The following DBT variants were observed in gnomAD, a reference collection of about 807,000 sequenced individuals.
The protein encoded by DBT is dihydrolipoamide branched chain transacylase E2.
DBT carries 40 observed loss-of-function variants against 51.3 expected under a neutral mutation model. That is an observed-to-expected ratio of 0.78 (90% confidence interval 0.61 to 1.02). DBT has a LOEUF of 1.02. Among genes scored for constraint, DBT ranks in the 50% least tolerant of loss-of-function variants. The pLI is 0.00. For synonymous variants in DBT, 181 were observed against 190.4 expected (o/e 0.95, Z 0.41); for missense variants, 510 against 580.2 (o/e 0.88, Z 1.24).
chr1:100,216,300 C>T, intron 5 of DBT, 101 bp from the exon 6 acceptor site: 1 of 803,882 alleles, frequency 1.2e-6, no homozygotes, highest in Non-Finnish European at 2.1e-6. Context: ...ATATATCTGT[C>T]CAATAAATTA....
At chr1:100,226,031 A>G (rs1466086353) in intron 4 of DBT, among the ~76,000 whole-genome samples, 1 of 151,954 alleles carries the variant, frequency 6.6e-6, no homozygotes, top group Non-Finnish European at 1.5e-5. Flanking sequence ...ACAAACTCCA[A>G]TTGTTTACTT....
intron 1 of DBT, among the ~76,000 whole-genome samples, chr1:100,241,369 TGTG>T (rs1664198499): frequency 1.7e-4 from 1 of 5,820 alleles, no homozygotes; most frequent in Non-Finnish European, 7.6e-4. Flanking sequence ...AAAGGTATTG[TGTG>T]TGTGTGTGTG....
chr1:100,210,123 C>A (rs1662043670), intron 8 of DBT, among the ~76,000 whole-genome samples: 2 of 151,578 alleles, frequency 1.3e-5, no homozygotes, highest in South Asian at 4.2e-4. Flanking sequence ...CCAGCCTGGG[C>A]AACATAATGA....
chr1:100,217,937 A>G (rs1662594303), intron 5 of DBT, among the ~76,000 whole-genome samples: 1 of 52,532 alleles, frequency 1.9e-5, no homozygotes, highest in Admixed American at 2.9e-4. Flanking sequence ...TAGCTGTGTG[A>G]CTTTAGACTA....
In DBT at chr1:100,215,964, T is replaced by G; in HGVS notation, c.772+19A>C. 7.3e-7 allele frequency: 1 copy of G among 1,372,168 alleles called. No homozygotes were observed. Among genetic ancestry groups the G allele is most frequent in the Non-Finnish European group, 1.0e-6 (1 of 959,238 alleles). The allele number at this position is 1,372,168 out of a possible 1,614,324, so 85.0% of individuals were successfully genotyped here. ...ATAAATGAACTATTGCCTTATAGTATTGTTATTATTATCATTACCTTTTAT... is the reference window on the plus strand; with the variant it reads ...ATAAATGAACTATTGCCTTATAGTAGTGTTATTATTATCATTACCTTTTAT... On this transcript the variant is annotated intron_variant, in intron 6 of 10. Coordinates refer to ENST00000370132, the MANE Select transcript of DBT (RefSeq NM_001918.5).
intron 2 of DBT, among the ~76,000 whole-genome samples, chr1:100,236,574 G>A (rs1163642695): frequency 6.6e-6 from 1 of 152,116 alleles, no homozygotes; most frequent in African/African-American, 2.4e-5. Context: ...CTAGCAAGTT[G>A]GGTCCTCTCA....
rs752504160 is a variant in DBT, at chr1:100,216,131, A to G, written c.624T>C (p.Tyr208=). Residue 208 remains tyrosine (Y), a synonymous_variant, in exon 6 of 11, where the codon TAT becomes TAC. Coordinates refer to ENST00000370132, the MANE Select transcript of DBT (RefSeq NM_001918.5). ...GRILKEDILN[Y]LEKQTGAILP... is the part of the protein sequence containing the mutation. ...ATATAGCTCCTGTCTGCTTTTCCAA[A>G]TAGTTGAGGATATCTTCTTTAAGTA... 2 of 1,614,028 alleles carry G rather than the reference A, an allele frequency of 1.2e-6. No homozygotes were observed. Among genetic ancestry groups the G allele is most frequent in the African/African-American group, 2.7e-5 (2 of 75,040 alleles).
chr1:100,195,652 T>A lies in DBT; in HGVS notation c.*603A>T, dbSNP rs552862217. ...CTGTCTGTATATGGCTACCTGTCTT[T>A]TAGTAACATGAATTTTGTTTTTTTG... is the stretch of plus-strand genomic sequence containing the variant. On this transcript the variant is annotated 3_prime_UTR_variant, in exon 11 of 11. Transcript: ENST00000370132. 1 of 154,316 alleles carries A rather than the reference T, an allele frequency of 6.5e-6. No individual in the cohort carries two copies. Among genetic ancestry groups the A allele is most frequent in the East Asian group, 1.9e-4 (1 of 5,226 alleles). 9.6% of individuals were successfully genotyped at this position (154,316 alleles called of 1,614,324 possible).
intron 4 of DBT, among the ~76,000 whole-genome samples, chr1:100,225,089 A>C (rs1663111267): frequency 7.0e-6 from 1 of 143,126 alleles, no homozygotes. Flanking sequence ...ACACACACAC[A>C]CACACATATA....
chr1:100,235,328 C>A, intron 3 of DBT, 108 bp downstream of exon 3: 1 of 627,846 alleles, frequency 1.6e-6, no homozygotes, highest in Non-Finnish European at 2.9e-6. Flanking sequence ...AGACGTTTCT[C>A]AATTTAAATG....
intron 2 of DBT, among the ~76,000 whole-genome samples, chr1:100,239,539 G>A (rs1021393216): frequency 1.1e-4 from 16 of 141,536 alleles, no homozygotes; most frequent in Non-Finnish European, 2.5e-4. Context: ...CACTTTGAGA[G>A]GTGAGACCCT....
At chr1:100,210,844 G>C in intron 7 of DBT, 73 bp from the exon 8 acceptor site, 1 of 1,591,982 alleles carries the variant, frequency 6.3e-7, no homozygotes, top group African/African-American at 1.3e-5. Context: ...AACAATAAGA[G>C]GTATAAAAGG....
chr1:100,199,594 G>A (rs1249449597), intron 10 of DBT, among the ~76,000 whole-genome samples: 1 of 152,154 alleles, frequency 6.6e-6, no homozygotes, highest in African/African-American at 2.4e-5. Context: ...ATAGGTTTTT[G>A]GATTCCCAGG....
At chr1:100,208,475 C>A (rs1239883087) in intron 8 of DBT, among the ~76,000 whole-genome samples, 1 of 152,146 alleles carries the variant, frequency 6.6e-6, no homozygotes, top group Non-Finnish European at 1.5e-5. Flanking sequence ...TAGGGATACA[C>A]AGGGATGTTG....
intron 8 of DBT, among the ~76,000 whole-genome samples, chr1:100,208,225 A>G (rs770622850): frequency 2.6e-5 from 4 of 152,194 alleles, no homozygotes; most frequent in Non-Finnish European, 5.9e-5. Context: ...GGCTATGTGT[A>G]TGAGGGGTAA....
At chr1:100,215,455 G>T (rs930724741) in intron 6 of DBT, among the ~76,000 whole-genome samples, 1 of 152,106 alleles carries the variant, frequency 6.6e-6, no homozygotes, top group Non-Finnish European at 1.5e-5. Context: ...ACCTGCTAAC[G>T]TATTACTCTT....
chr1:100,237,519 T>C (rs1264882298), intron 2 of DBT, among the ~76,000 whole-genome samples: 5 of 152,110 alleles, frequency 3.3e-5, no homozygotes, highest in Admixed American at 3.3e-4. Context: ...TCTACAAGTT[T>C]AGAAAAAATT....
At position 100,196,333 on chromosome 1, in the gene DBT, A is replaced by G. The variant is rs1188716932; in HGVS notation, c.1371T>C (p.Gly457=). ...SWSADHRVID[G]ATMSRFSNLW... ...AATTGGAGAAGCGTGACATTGTAGC[A>G]CCATCAATAACTCTGTGATCAGCTG... is the stretch of plus-strand genomic sequence containing the variant. The change falls in exon 11 of 11, where the codon GGT becomes GGC. Residue 457 remains glycine (G), a synonymous_variant. Coordinates refer to ENST00000370132, the MANE Select transcript of DBT (RefSeq NM_001918.5). 1 of 1,608,846 alleles carries G rather than the reference A, an allele frequency of 6.2e-7. No individual in the cohort carries two copies. The highest frequency in any genetic ancestry group is 8.5e-7 in the Non-Finnish European group (1 of 1,178,326).
intron 3 of DBT, among the ~76,000 whole-genome samples, chr1:100,232,767 C>A (rs1663621374): frequency 6.6e-6 from 1 of 151,792 alleles, no homozygotes. Flanking sequence ...CCATGCCAGG[C>A]TAATGGAATG....
Sources: allele counts gnomAD v4.1 joint callset (sites outside exome capture counted in the v4.1 genomes callset), GRCh38; gene constraint gnomAD v4.1.1; transcripts MANE v1.5; gene names NCBI Gene and HGNC (gene_info 2026-07-23, HGNC 2026-07-21).